Variants in PKD1L1 observed in about 807,000 individuals in gnomAD.
The protein encoded by PKD1L1 is polycystin 1 like 1, transient receptor potential channel interacting.
PKD1L1 carries 236 observed loss-of-function variants against 323.4 expected under a neutral mutation model. The ratio of observed to expected loss-of-function variants is 0.73; its 90% CI spans 0.66 to 0.81. The LOEUF (loss-of-function observed/expected upper bound fraction) is 0.81. Among genes scored for constraint, PKD1L1 ranks in the 40% least tolerant of loss-of-function variants. PKD1L1 has a pLI of 0.00. For missense variants in PKD1L1, 3,320 were observed against 3,508.0 expected, an observed-to-expected ratio of 0.95 and a Z score of 1.35; for synonymous variants, 1,344 against 1,335.0, an observed-to-expected ratio of 1.01 and a Z score of -0.15.
At chr7:47,934,988 A>T (rs1228047576) in intron 4 of PKD1L1, among the ~76,000 whole-genome samples, 1 of 152,110 alleles carries the variant, frequency 6.6e-6, no homozygotes, top group Non-Finnish European at 1.5e-5. Context: ...GGAGTCAATG[A>T]GCTCCCGCAG....
chr7:47,919,559 G>T (rs1299457470), intron 7 of PKD1L1, among the ~76,000 whole-genome samples: 1 of 151,972 alleles, frequency 6.6e-6, no homozygotes, highest in African/African-American at 2.4e-5. Context: ...ACCAGGAAAG[G>T]ACATAACCAA....
chr7:47,793,499 G>A (rs1658462593), intron 55 of PKD1L1, among the ~76,000 whole-genome samples: 2 of 152,166 alleles, frequency 1.3e-5, no homozygotes, highest in African/African-American at 2.4e-5. Flanking sequence ...CCACTGCCAC[G>A]TAAGATGTGC....
chr7:47,910,749 T>C (rs140334044), intron 8 of PKD1L1, among the ~76,000 whole-genome samples: 2,307 of 151,550 alleles, frequency 0.015, 56 homozygotes, highest in African/African-American at 0.053. Context: ...CCTCTCCTCC[T>C]GGATTCAAGC....
At chr7:47,950,240 CCA>C (rs1339277166), upstream of PKD1L1, among the ~76,000 whole-genome samples, 1 of 152,102 alleles carries the variant, frequency 6.6e-6, no homozygotes. Context: ...GCATCCATAC[CCA>C]CACGCACACC....
chr7:47,839,793 G>A lies in PKD1L1; in HGVS notation c.5553-131C>T. 1.1e-6 allele frequency: 1 copy of A among 878,152 alleles called. No individual in the cohort carries two copies. The allele number at this position is 878,152 out of a possible 1,614,324, so 54.4% of individuals were successfully genotyped here. A position where few individuals can be genotyped will look rare whatever the true frequency, so the allele number is the denominator to read the frequency against. On this transcript the variant is annotated intron_variant, in intron 35 of 56. Transcript: ENST00000289672. This position sits in a 1 kb window ranked among gnomAD's most constrained non-coding sequence, Gnocchi z 4.3. ...TGGATGGGACATGTCAAAGGTGACT[G>A]ACATGCAGAGTGACATGTGAAGCCC...
In PKD1L1 at chr7:47,829,424, C is replaced by T. The variant is rs1245017875; in HGVS notation, c.6735+1G>A. The T allele has an allele frequency of 1.9e-6, 3 of 1,583,510 alleles. No homozygotes were observed. Among genetic ancestry groups the T allele is most frequent in the Non-Finnish European group, 2.6e-6 (3 of 1,168,762 alleles). On this transcript the variant is annotated splice_donor_variant, in intron 44 of 56. Transcript: ENST00000289672. LOFTEE classifies it high-confidence loss of function. ...TGCACTGCATAGGTAATTTTTTTTA[C>T]TTTTTCAACCTCGCCTGCACAGTCA...
chr7:47,924,714 C>T (rs1319002748), intron 7 of PKD1L1, among the ~76,000 whole-genome samples: 1 of 152,170 alleles, frequency 6.6e-6, no homozygotes, highest in Non-Finnish European at 1.5e-5. Flanking sequence ...TTATCTTGGC[C>T]TCTGCATTAC....
intron 7 of PKD1L1, among the ~76,000 whole-genome samples, chr7:47,918,503 C>G (rs1286274965): frequency 1.3e-5 from 2 of 151,808 alleles, no homozygotes; most frequent in Non-Finnish European, 1.5e-5. Flanking sequence ...TAAACTATAC[C>G]CTGGAACAAA....
At chr7:47,788,589 T>A (rs903570906) in intron 56 of PKD1L1, among the ~76,000 whole-genome samples, 38 of 135,046 alleles carry the variant, frequency 2.8e-4, no homozygotes, top group Non-Finnish European at 4.8e-4. Flanking sequence ...TTTTTTTTTT[T>A]AATTTTAATT....
chr7:47,910,697 G>A (rs1329017111), intron 8 of PKD1L1, among the ~76,000 whole-genome samples: 2 of 149,258 alleles, frequency 1.3e-5, no homozygotes, highest in South Asian at 2.1e-4. Flanking sequence ...TCACTCTGTC[G>A]CCCAGGCTAG....
At chr7:47,842,386 G>T (rs1209903737) in intron 34 of PKD1L1, among the ~76,000 whole-genome samples, 1 of 152,020 alleles carries the variant, frequency 6.6e-6, no homozygotes, top group Non-Finnish European at 1.5e-5. Flanking sequence ...GGTTCCCTCG[G>T]GAAATGGAAG....
chr7:47,913,830 A>G (rs937186544), intron 8 of PKD1L1, among the ~76,000 whole-genome samples: 3 of 152,188 alleles, frequency 2.0e-5, no homozygotes, highest in Non-Finnish European at 4.4e-5. Context: ...TAAGTAGCAG[A>G]AAAAAAGGTA....
chr7:47,924,242 C>G (rs959076104), intron 7 of PKD1L1, among the ~76,000 whole-genome samples: 2 of 152,056 alleles, frequency 1.3e-5, no homozygotes, highest in Admixed American at 1.3e-4. Context: ...ACTTTCCCAG[C>G]AGGGTTCTGG....
chr7:47,834,380 T>C lies in PKD1L1; in HGVS notation c.6133A>G (p.Asn2045Asp). The C allele has an allele frequency of 6.2e-7, 1 of 1,613,804 alleles. No individual in the cohort carries two copies. The highest frequency in any genetic ancestry group is 8.5e-7 in the Non-Finnish European group (1 of 1,179,680). ...GCGTCTGGTATCCTTCCCCAGGAAT[T>C]AGGACCTGATTCAAAAAAATAAAAA... ...GAQTEAPHGP[N>D]SWGRIPDAQE... Residue 2045 changes from asparagine (N) to aspartate (D), a missense_variant, in exon 40 of 57, where the codon AAT (asparagine) becomes GAT (aspartate). By Grantham distance (23) the Asn-to-Asp change is conservative. Transcript: ENST00000289672.
At chr7:47,907,050 T>G (rs1415076596) in intron 9 of PKD1L1, among the ~76,000 whole-genome samples, 2 of 152,254 alleles carry the variant, frequency 1.3e-5, no homozygotes, top group African/African-American at 2.4e-5. Flanking sequence ...CTAGACGTGC[T>G]GCTTATTTAT....
rs564343230 is a variant in PKD1L1 at position 47,851,821 on chromosome 7, A to T, written c.4960+1306T>A. ...CAGAAAATAACTAACCTAAGCTCAT[A>T]AAAAAAAGTCTGAAAAAAAGGCAAA... is the stretch of plus-strand genomic sequence containing the variant. On this transcript the variant is annotated intron_variant, in intron 31 of 56. Transcript: ENST00000289672. Among the ~76,000 whole-genome samples, 10 of 152,140 alleles carry T rather than the reference A, an allele frequency of 6.6e-5. No homozygotes were observed. In the East Asian group the frequency reaches 1.9e-3, roughly 29 times the overall value.
chr7:47,792,841 CATT>C, intron 55 of PKD1L1, 44 bp from the exon 56 acceptor site: 2 of 1,528,044 alleles, frequency 1.3e-6, no homozygotes, highest in Non-Finnish European at 1.8e-6. Context: ...TCAAGAATCT[CATT>C]ATCCCCCTTT....
At chr7:47,787,986 T>C (rs1189527797) in intron 56 of PKD1L1, among the ~76,000 whole-genome samples, 1 of 152,160 alleles carries the variant, frequency 6.6e-6, no homozygotes, top group Non-Finnish European at 1.5e-5. Context: ...GCTTGTATTG[T>C]AGGCGGGAGC....
intron 2 of PKD1L1, among the ~76,000 whole-genome samples, chr7:47,943,157 AAAAAAAATATAT>A (rs1333505469): frequency 0.02 from 1,326 of 65,110 alleles, 11 homozygotes; most frequent in African/African-American, 0.058. Flanking sequence ...AAAAAAAAAA[AAAAAAAATATAT>A]ATATATATAT....
Sources: gnomAD v4.1 joint callset for allele counts (sites outside exome capture counted in the v4.1 genomes callset) on GRCh38, gnomAD v4.1.1 for gene constraint, Gnocchi (gnomAD v3.1) non-coding constraint, MANE v1.5 for transcripts, NCBI Gene and HGNC (gene_info 2026-07-23, HGNC 2026-07-21) for gene names.